Variants in TJP1 observed in about 807,000 individuals in gnomAD.
The protein encoded by TJP1 is tight junction protein ZO-1.
Under a neutral mutation model 194.2 loss-of-function variants are expected in TJP1, and 43 were observed. The observed-to-expected ratio is 0.22, with a 90% CI of 0.17 to 0.29. TJP1 has a LOEUF of 0.29. Among genes scored for constraint, TJP1 ranks in the 10% least tolerant of loss-of-function variants. TJP1 has a pLI of 1.00. For synonymous variants in TJP1, 801 were observed against 779.0 expected (o/e 1.03, Z -0.47); for missense variants, 1,971 against 2,185.7 (o/e 0.90, Z 1.96).
chr15:29,808,369 G>A (rs964844866), intron 1 of TJP1, among the ~76,000 whole-genome samples: 1 of 152,196 alleles, frequency 6.6e-6, no homozygotes, highest in East Asian at 1.9e-4. Context: ...ATGGAGGTGG[G>A]GGAGCTTCGG....
intron 2 of TJP1, among the ~76,000 whole-genome samples, chr15:29,920,339 C>G (rs1036685768): frequency 6.6e-6 from 1 of 152,150 alleles, no homozygotes; most frequent in Non-Finnish European, 1.5e-5. Context: ...TAAGGCTACT[C>G]CTCTTGAGAC....
At chr15:29,940,509 G>A (rs1314696145) in intron 2 of TJP1, among the ~76,000 whole-genome samples, 1 of 152,142 alleles carries the variant, frequency 6.6e-6, no homozygotes, top group Non-Finnish European at 1.5e-5. Context: ...AGACTTTTGG[G>A]AACAGAATGG....
At chr15:29,714,278 G>A (rs2042415112) in intron 23 of TJP1, among the ~76,000 whole-genome samples, 1 of 151,432 alleles carries the variant, frequency 6.6e-6, no homozygotes, top group African/African-American at 2.4e-5. Context: ...TGGCTCTGTC[G>A]CCCAGACTGG....
At chr15:29,901,878 GCAT>G (rs2053645780) in intron 2 of TJP1, among the ~76,000 whole-genome samples, 1 of 150,550 alleles carries the variant, frequency 6.6e-6, no homozygotes, top group Non-Finnish European at 1.5e-5. Flanking sequence ...TGACATGTCT[GCAT>G]CATCATCAAT....
At chr15:29,818,164 GACTTA>G (rs1567091983) in intron 1 of TJP1, among the ~76,000 whole-genome samples, 1 of 152,092 alleles carries the variant, frequency 6.6e-6, no homozygotes, top group Admixed American at 6.5e-5. Flanking sequence ...CTATTCCCGA[GACTTA>G]ACAAAAACAT....
At chr15:29,744,885 G>A (rs964604198) in intron 8 of TJP1, among the ~76,000 whole-genome samples, 4 of 152,012 alleles carry the variant, frequency 2.6e-5, no homozygotes, top group African/African-American at 7.2e-5. Flanking sequence ...TTTTCATTAT[G>A]AATGGAGGAA....
rs982880265 is a variant in TJP1, at chr15:29,791,944, G to A, written c.84+8702C>T. Reference sequence around the variant, plus strand: ...CCTGAGAAACATCTATTCAGCTCTTGTGCTTCAGATCTTTTGCCCATTTTT... The same window carrying A: ...CCTGAGAAACATCTATTCAGCTCTTATGCTTCAGATCTTTTGCCCATTTTT... On this transcript the variant is annotated intron_variant, in intron 2 of 27. Transcript: ENST00000614355. Among the ~76,000 whole-genome samples, 4 of 151,976 alleles carry A rather than the reference G, an allele frequency of 2.6e-5. 1 individual carries two copies. Among genetic ancestry groups the A allele is most frequent in the African/African-American group, 9.7e-5 (4 of 41,374 alleles).
intron 8 of TJP1, among the ~76,000 whole-genome samples, chr15:29,749,610 G>A (rs972118970): frequency 6.6e-6 from 1 of 152,088 alleles, no homozygotes; most frequent in Non-Finnish European, 1.5e-5. Flanking sequence ...TCTCTCAAAC[G>A]GTTCTGTTGT....
rs371394996 is a variant in TJP1, at chr15:29,796,207, A to G, written c.84+4439T>C. ...TGCAATAAGGCAAGAAAAAGAAATA[A>G]AGAGCATTCAAAAGGAGGGAAAAAA... is the stretch of plus-strand genomic sequence containing the variant. On this transcript the variant is annotated intron_variant, in intron 2 of 27. Coordinates refer to ENST00000614355, the MANE Select transcript of TJP1 (RefSeq NM_001330239.4). Among the ~76,000 whole-genome samples the G allele has an allele frequency of 2.0e-4, 30 of 152,164 alleles. 1 individual carries two copies. The East Asian group carries it at 2.5e-3, about 13-fold the overall frequency.
intron 2 of TJP1, among the ~76,000 whole-genome samples, chr15:29,789,297 G>C (rs1246819015): frequency 6.6e-6 from 1 of 152,152 alleles, no homozygotes; most frequent in Non-Finnish European, 1.5e-5. Context: ...AAGCACTAAG[G>C]AGATAGAAAA....
chr15:29,718,584 T>G lies in TJP1; in HGVS notation c.3558A>C (p.Ala1186=), dbSNP rs200549176. The G allele has an allele frequency of 6.2e-6, 10 of 1,614,190 alleles. No homozygotes were observed. The highest frequency in any genetic ancestry group is 8.5e-6 in the Non-Finnish European group (10 of 1,180,022). Residue 1186 remains alanine (A), a synonymous_variant, in exon 21 of 28, where the codon GCA becomes GCC. Coordinates refer to ENST00000614355, the MANE Select transcript of TJP1 (RefSeq NM_001330239.4). ...QPHPSAGPKP[A]ESKQYFEQYS... ...ATTGCTCAAAATACTGCTTGGACTC[T>G]GCAGGCTTGGGCCCTGCTGAAGGGT... is the stretch of plus-strand genomic sequence containing the variant.
rs8040962 is a variant in TJP1 at position 29,968,521 on chromosome 15, G to A, written c.173+146C>T. 4,489 of 805,828 alleles carry A rather than the reference G, an allele frequency of 5.6e-3. 148 individuals are homozygous for A. The African/African-American group carries it at 0.078, about 14-fold the overall frequency. 49.9% of individuals were successfully genotyped at this position (805,828 alleles called of 1,614,324 possible). A position where few individuals can be genotyped will look rare whatever the true frequency, so the allele number is the denominator to read the frequency against. On this transcript the variant is annotated intron_variant, in intron 1 of 28. Transcript: ENST00000356107. ...CGGCCTTGGCTGCTGCGCCCCGCGC[G>A]GCGCGCCCCGCGTCCCGTCGGGCCC...
At chr15:29,877,019 T>G (rs191590419) in intron 2 of TJP1, among the ~76,000 whole-genome samples, 1 of 152,224 alleles carries the variant, frequency 6.6e-6, no homozygotes, top group African/African-American at 2.4e-5. Context: ...CTCCTCACTT[T>G]TGTCAAAATT....
At chr15:29,968,796 C>T in exon 1 of TJP1, 1 of 1,198,374 alleles carries the variant, frequency 8.3e-7, no homozygotes, top group Non-Finnish European at 1.1e-6. Flanking sequence ...AGGGCCCCGC[C>T]GCCTCCGCCG....
rs561714438 is a variant in TJP1 at position 29,828,906 on chromosome 15, T to C, written c.307-28204A>G. Among the ~76,000 whole-genome samples, 5 of 152,004 alleles carry C rather than the reference T, an allele frequency of 3.3e-5. No individual in the cohort carries two copies. In the East Asian group the frequency reaches 7.7e-4, roughly 24 times the overall value. ...CTACCACAATGCCTGGCTAGGTTTT[T>C]TGTTTGTTTGTTTGTTTGGTATTTT... On this transcript the variant is annotated intron_variant, in intron 2 of 28. Coordinates refer to the TJP1 transcript ENST00000356107.
At chr15:29,888,360 T>A (rs972491521) in intron 2 of TJP1, among the ~76,000 whole-genome samples, 2 of 152,092 alleles carry the variant, frequency 1.3e-5, no homozygotes, top group African/African-American at 2.4e-5. Flanking sequence ...CACACACACA[T>A]ATATACACGC....
chr15:29,852,616 A>G (rs1459388790), intron 2 of TJP1, among the ~76,000 whole-genome samples: 1 of 152,212 alleles, frequency 6.6e-6, no homozygotes, highest in Non-Finnish European at 1.5e-5. Flanking sequence ...TCCCAGCAAA[A>G]TAAAAACTTA....
intron 8 of TJP1, among the ~76,000 whole-genome samples, chr15:29,754,446 C>T (rs1036564428): frequency 1.3e-5 from 2 of 151,934 alleles, no homozygotes; most frequent in African/African-American, 2.4e-5. Context: ...TGAAATAGTA[C>T]GTACAAAACA....
At chr15:29,815,855 G>C (rs2049875358) in intron 1 of TJP1, among the ~76,000 whole-genome samples, 1 of 152,144 alleles carries the variant, frequency 6.6e-6, no homozygotes, top group Non-Finnish European at 1.5e-5. Context: ...GCAAGTAAAA[G>C]TCAGAGCCAG....
Sources: allele counts gnomAD v4.1 joint callset (sites outside exome capture counted in the v4.1 genomes callset), GRCh38; gene constraint gnomAD v4.1.1; transcripts MANE v1.5; gene names NCBI Gene and HGNC (gene_info 2026-07-23, HGNC 2026-07-21).